Variants in LMF1 observed in about 807,000 individuals in gnomAD.
LMF1 encodes the protein transmembrane protein 112.
A neutral mutation model predicts 60.6 loss-of-function variants in LMF1; 68 were observed. The ratio of observed to expected loss-of-function variants is 1.12; its 90% CI spans 0.92 to 1.37. The LOEUF is 1.37. Among genes scored for constraint, LMF1 ranks in the 40% most tolerant of loss-of-function variants. The pLI is 0.00. For synonymous variants in LMF1, 418 were observed against 324.7 expected (o/e 1.29, Z -3.09); for missense variants, 948 against 767.2 (o/e 1.24, Z -2.78).
chr16:860,660 T>A (rs375074353), intron 10 of LMF1, among the ~76,000 whole-genome samples: 2 of 152,206 alleles, frequency 1.3e-5, no homozygotes, highest in Non-Finnish European at 2.9e-5. Flanking sequence ...GATTGTCTTA[T>A]GCTTTACGTT....
intron 3 of LMF1, among the ~76,000 whole-genome samples, chr16:928,880 G>A (rs2071688993): frequency 6.6e-6 from 1 of 152,190 alleles, no homozygotes; most frequent in African/African-American, 2.4e-5. Context: ...ATTACAAAAC[G>A]ATTTTGGGGG....
At chr16:974,241 A>T (rs2073094310), upstream of LMF1, among the ~76,000 whole-genome samples, 1 of 152,224 alleles carries the variant, frequency 6.6e-6, no homozygotes, top group African/African-American at 2.4e-5. Flanking sequence ...GCTTCTCTGC[A>T]AACCCAGAGT....
intron 2 of LMF1, among the ~76,000 whole-genome samples, chr16:951,344 C>T (rs570040360): frequency 2.8e-4 from 42 of 152,204 alleles, no homozygotes; most frequent in Middle Eastern, 3.4e-3. Flanking sequence ...TCAGAGACAA[C>T]GACAGAGTCA....
At chr16:875,883 C>G (rs553095804) in intron 6 of LMF1, among the ~76,000 whole-genome samples, 1 of 152,328 alleles carries the variant, frequency 6.6e-6, no homozygotes, top group African/African-American at 2.4e-5. Flanking sequence ...CCCGGCCCTC[C>G]TCCAGCAGCT....
intron 5 of LMF1, 123 bp from the exon 6 acceptor site, chr16:879,860 G>C: frequency 4.2e-6 from 4 of 943,694 alleles, no homozygotes; most frequent in Non-Finnish European, 6.3e-6. Context: ...CCCCCGGCCC[G>C]CCTGGCCCTG....
intron 4 of LMF1, chr16:900,338 G>C (rs1252412840): frequency 6.6e-6 from 1 of 152,238 alleles, no homozygotes; most frequent in Non-Finnish European, 1.5e-5. Flanking sequence ...TGAGGACCAA[G>C]ACAGTTTGCA....
upstream of LMF1, among the ~76,000 whole-genome samples, chr16:972,221 T>G (rs2073063179): frequency 2.0e-5 from 3 of 149,286 alleles, no homozygotes; most frequent in Non-Finnish European, 4.4e-5. Flanking sequence ...GTACATCTTA[T>G]GGTTTAATTC....
intron 2 of LMF1, among the ~76,000 whole-genome samples, chr16:939,473 C>A (rs2072036210): frequency 6.6e-6 from 1 of 152,260 alleles, no homozygotes; most frequent in Admixed American, 6.5e-5. Flanking sequence ...AATGAGCAAA[C>A]ACACGTAACA....
At chr16:933,571 ACC>A in intron 3 of LMF1, 13 of 188,400 alleles carry the variant, frequency 6.9e-5, no homozygotes, top group South Asian at 3.5e-4. Flanking sequence ...CAGGGCCTTT[ACC>A]AGCAAAGACC....
upstream of LMF1, among the ~76,000 whole-genome samples, chr16:972,363 C>T (rs1205318483): frequency 6.6e-6 from 1 of 152,244 alleles, no homozygotes; most frequent in Non-Finnish European, 1.5e-5. Context: ...CCTCCGGGAG[C>T]GTGGTGTGTG....
At position 878,876 on chromosome 16, in the gene LMF1, C is replaced by CGA. The variant is rs918063473; in HGVS notation, c.897+692_897+693dup. Among the ~76,000 whole-genome samples, 7 of 152,254 alleles carry CGA rather than the reference C, an allele frequency of 4.6e-5. 1 individual carries two copies. Among genetic ancestry groups the CGA allele is most frequent in the Admixed American group, 2.0e-4 (3 of 15,296 alleles). ...TATGTTACACCTCCATTGAAACAATCGAGAGAGAGAACCACCTTTAAAATC... is the reference window on the plus strand; with the variant it reads ...TATGTTACACCTCCATTGAAACAATCGAGAGAGAGAGAACCACCTTTAAAATC... On this transcript the variant is annotated intron_variant, in intron 6 of 10. Coordinates refer to ENST00000262301, the MANE Select transcript of LMF1 (RefSeq NM_022773.4). The surrounding 1 kb of genome is among the most constrained non-coding windows in gnomAD (Gnocchi z 5.2).
At chr16:969,597 T>C (rs1409644661) in intron 1 of LMF1, among the ~76,000 whole-genome samples, 1 of 152,066 alleles carries the variant, frequency 6.6e-6, no homozygotes, top group African/African-American at 2.4e-5. Flanking sequence ...CTTCCACACG[T>C]GAGGGAAGCA....
intron 6 of LMF1, among the ~76,000 whole-genome samples, chr16:876,181 G>A (rs1440493976): frequency 6.6e-6 from 1 of 152,260 alleles, no homozygotes; most frequent in Non-Finnish European, 1.5e-5. Context: ...GGGCGTCTCG[G>A]AACCGAAGAG....
chr16:896,818 T>C (rs1217505847), intron 4 of LMF1, among the ~76,000 whole-genome samples: 1 of 152,178 alleles, frequency 6.6e-6, no homozygotes, highest in East Asian at 1.9e-4. Context: ...TCTAAGCTGA[T>C]ATGAGACACT....
At chr16:935,586 T>C (rs1328583423) in intron 2 of LMF1, among the ~76,000 whole-genome samples, 3 of 109,970 alleles carry the variant, frequency 2.7e-5, no homozygotes, top group Non-Finnish European at 3.6e-5. Context: ...AAAAAAAAAC[T>C]CATAATGTTT....
At chr16:912,128 C>T (rs889788122) in intron 3 of LMF1, among the ~76,000 whole-genome samples, 5 of 152,168 alleles carry the variant, frequency 3.3e-5, no homozygotes, top group African/African-American at 4.8e-5. Context: ...AGAGGCCACC[C>T]GCTGCCCAGC....
At chr16:893,163 C>G in intron 4 of LMF1, 91 bp from the exon 5 acceptor site, 4 of 1,131,988 alleles carry the variant, frequency 3.5e-6, no homozygotes, top group Non-Finnish European at 5.2e-6. Flanking sequence ...GACGAACCAT[C>G]CACGAAGGCC....
At chr16:867,499 A>G (rs74001083) in intron 10 of LMF1, among the ~76,000 whole-genome samples, 4,113 of 152,224 alleles carry the variant, frequency 0.027, 167 homozygotes, top group African/African-American at 0.086. Context: ...AGTAACAGAG[A>G]AGACCCGTAT....
intron 4 of LMF1, among the ~76,000 whole-genome samples, chr16:907,670 G>A (rs1045472045): frequency 3.2e-4 from 48 of 152,294 alleles, no homozygotes; most frequent in African/African-American, 1.1e-3. Context: ...TGTGACCCAA[G>A]TGCGCGAGCG....
Sources: allele counts gnomAD v4.1 joint callset (sites outside exome capture counted in the v4.1 genomes callset), GRCh38; gene constraint gnomAD v4.1.1; non-coding constraint Gnocchi (gnomAD v3.1); transcripts MANE v1.5; gene names NCBI Gene and HGNC (gene_info 2026-07-23, HGNC 2026-07-21).